The following GRIN2B variants were observed in gnomAD, a reference collection of about 807,000 sequenced individuals.
GRIN2B encodes the protein glutamate receptor ionotropic, NMDA 2B.
Under a neutral mutation model 114.5 loss-of-function variants are expected in GRIN2B, and 5 were observed. That is an observed-to-expected ratio of 0.04 (90% CI 0.02 to 0.09). The LOEUF (loss-of-function observed/expected upper bound fraction) is 0.09. Among genes scored for constraint, GRIN2B ranks in the 10% least tolerant of loss-of-function variants. GRIN2B has a pLI of 1.00. For missense variants in GRIN2B, 1,108 were observed against 1,943.5 expected (o/e 0.57, Z 8.08); for synonymous variants, 787 against 745.1 (o/e 1.06, Z -0.92).
At chr12:13,772,823 C>T (rs1463112664) in intron 3 of GRIN2B, among the ~76,000 whole-genome samples, 2 of 152,104 alleles carry the variant, frequency 1.3e-5, no homozygotes, top group African/African-American at 4.8e-5. Flanking sequence ...CTTCACAGGA[C>T]TATAAAATAA....
intron 5 of GRIN2B, among the ~76,000 whole-genome samples, chr12:13,672,825 A>G (rs1056784044): frequency 6.6e-6 from 1 of 151,130 alleles, no homozygotes; most frequent in Non-Finnish European, 1.5e-5. Context: ...ATCTACAAAA[A>G]TTCAATCTAC....
chr12:13,711,941 C>T (rs541834973), intron 4 of GRIN2B, among the ~76,000 whole-genome samples: 25 of 151,730 alleles, frequency 1.6e-4, no homozygotes, highest in Non-Finnish European at 2.8e-4. Flanking sequence ...ATGTTTACTG[C>T]GGCACTATTC....
chr12:13,796,861 C>G (rs1458434040), intron 3 of GRIN2B, among the ~76,000 whole-genome samples: 1 of 152,110 alleles, frequency 6.6e-6, no homozygotes, highest in African/African-American at 2.4e-5. Flanking sequence ...AAAATTGGTA[C>G]CAGATCCTAG....
chr12:13,570,899 G>C (rs1187461363), intron 11 of GRIN2B, among the ~76,000 whole-genome samples: 1 of 152,128 alleles, frequency 6.6e-6, no homozygotes, highest in Non-Finnish European at 1.5e-5. Context: ...CGATAGAAAG[G>C]GGAACACCAA....
chr12:13,707,252 C>T (rs553914185), intron 4 of GRIN2B, among the ~76,000 whole-genome samples: 1 of 152,206 alleles, frequency 6.6e-6, no homozygotes, highest in South Asian at 2.1e-4. Context: ...CAGATCTACA[C>T]CAGCATCAGG....
intron 5 of GRIN2B, among the ~76,000 whole-genome samples, chr12:13,667,772 C>T (rs1949991466): frequency 6.6e-6 from 1 of 152,034 alleles, no homozygotes. Flanking sequence ...AGTGTACACA[C>T]AGAATGCACA....
intron 2 of GRIN2B, among the ~76,000 whole-genome samples, chr12:13,943,509 A>G (rs1867301639): frequency 1.3e-5 from 2 of 152,154 alleles, no homozygotes; most frequent in Admixed American, 6.5e-5. Context: ...TCAAAGCCCT[A>G]CGTGAACTGG....
intron 3 of GRIN2B, among the ~76,000 whole-genome samples, chr12:13,784,094 G>A (rs1382012399): frequency 4.0e-5 from 6 of 151,690 alleles, no homozygotes; most frequent in African/African-American, 7.3e-5. Context: ...CATGGTGGCA[G>A]GCACCTGTAG....
intron 2 of GRIN2B, among the ~76,000 whole-genome samples, chr12:13,964,558 G>A (rs1416531543): frequency 6.6e-6 from 1 of 152,208 alleles, no homozygotes; most frequent in African/African-American, 2.4e-5. Flanking sequence ...TGGACACATA[G>A]TCCAGAGCAA....
At chr12:13,882,424 T>A (rs1182154831) in intron 2 of GRIN2B, among the ~76,000 whole-genome samples, 4 of 152,196 alleles carry the variant, frequency 2.6e-5, no homozygotes, top group African/African-American at 9.7e-5. Context: ...ATAAAAATTT[T>A]TTTTTCAAAA....
Position 13,553,169 on chromosome 12 carries a change from T to C in GRIN2B, c.*9614A>G, listed in dbSNP as rs1281724434. ...GACTGACACTGGCTAGAAAGAATGA[T>C]TGATAGATTGCTAAGTAGAGCCAAG... On this transcript the variant is annotated 3_prime_UTR_variant, in exon 14 of 14. Transcript: ENST00000609686. 2 of 152,184 alleles carry C rather than the reference T, an allele frequency of 1.3e-5. No homozygotes were observed. Among genetic ancestry groups the C allele is most frequent in the African/African-American group, 2.4e-5 (1 of 41,418 alleles). 9.4% of individuals were successfully genotyped at this position (152,184 alleles called of 1,614,324 possible).
At chr12:13,697,800 A>AACAC (rs1405778909) in intron 4 of GRIN2B, among the ~76,000 whole-genome samples, 1 of 152,132 alleles carries the variant, frequency 6.6e-6, no homozygotes, top group African/African-American at 2.4e-5. Flanking sequence ...CACTGTATAA[A>AACAC]ACACACACAC....
chr12:13,851,991 C>T lies in GRIN2B; in HGVS notation c.411+13807G>A, dbSNP rs773263336. 7.2e-5 allele frequency among the ~76,000 whole-genome samples: 11 copies of T among 152,250 alleles called. No individual in the cohort carries two copies. In the East Asian group the frequency reaches 7.7e-4, roughly 11 times the overall value. ...CAGAAACCACAGTGCAGCCTGGCTT[C>T]CTGGGAAGCCTGTTGCCCTAGCAAC... On this transcript the variant is annotated intron_variant, in intron 3 of 13. Coordinates refer to ENST00000609686, the MANE Select transcript of GRIN2B (RefSeq NM_000834.5).
At chr12:13,763,590 A>T (rs1206459787) in intron 3 of GRIN2B, among the ~76,000 whole-genome samples, 1 of 152,190 alleles carries the variant, frequency 6.6e-6, no homozygotes, top group East Asian at 1.9e-4. Flanking sequence ...TGATTAGGGC[A>T]TTATTAGTGT....
At chr12:13,880,218 G>A (rs559703297) in intron 2 of GRIN2B, among the ~76,000 whole-genome samples, 11 of 152,184 alleles carry the variant, frequency 7.2e-5, no homozygotes, top group Non-Finnish European at 1.5e-4. Flanking sequence ...AAAGAGCACC[G>A]AGGGTATCTG....
intron 3 of GRIN2B, among the ~76,000 whole-genome samples, chr12:13,823,420 T>C (rs1456928022): frequency 1.3e-5 from 2 of 152,066 alleles, no homozygotes; most frequent in Non-Finnish European, 2.9e-5. Context: ...ATGGTTTTGA[T>C]GCTACTATAA....
At chr12:13,702,945 A>G (rs189886339) in intron 4 of GRIN2B, among the ~76,000 whole-genome samples, 65 of 152,324 alleles carry the variant, frequency 4.3e-4, no homozygotes, top group South Asian at 1.2e-3. Context: ...CAAACTTAGA[A>G]GAGGGTCATC....
chr12:13,832,015 G>C (rs991107767), intron 3 of GRIN2B, among the ~76,000 whole-genome samples: 1 of 152,300 alleles, frequency 6.6e-6, no homozygotes, highest in Admixed American at 6.5e-5. Context: ...AAGGGCAGTG[G>C]GGGGCAGGGT....
At chr12:13,648,295 C>T (rs912815412) in intron 5 of GRIN2B, among the ~76,000 whole-genome samples, 15 of 152,020 alleles carry the variant, frequency 9.9e-5, no homozygotes, top group African/African-American at 3.6e-4. Flanking sequence ...GAGGGAAACA[C>T]AGGGTGAGTT....
Sources: gnomAD v4.1 joint callset for allele counts (sites outside exome capture counted in the v4.1 genomes callset) on GRCh38, gnomAD v4.1.1 for gene constraint, MANE v1.5 for transcripts, NCBI Gene and HGNC (gene_info 2026-07-23, HGNC 2026-07-21) for gene names.